ACKR3: variants seen among roughly 807,000 people sequenced by gnomAD.
The protein encoded by ACKR3 is atypical chemokine receptor 3.
Under a neutral mutation model 22.4 loss-of-function variants are expected in ACKR3, and 6 were observed. The observed-to-expected ratio is 0.27, with a 90% CI of 0.15 to 0.53. ACKR3 has a LOEUF of 0.53. ACKR3 is among the 20% of genes least tolerant of loss of function. The pLI is 0.96. For synonymous variants in ACKR3, 209 were observed against 205.2 expected (o/e 1.02, Z -0.16); for missense variants, 396 against 475.2 (o/e 0.83, Z 1.55).
the ACKR3 span, among the ~76,000 whole-genome samples, chr2:236,543,676 G>T: frequency 1.3e-5 from 2 of 151,788 alleles, no homozygotes; most frequent in African/African-American, 2.4e-5. Flanking sequence ...AAGTGAAATC[G>T]CACATTTTAA....
chr2:236,552,773 C>T, the ACKR3 span, among the ~76,000 whole-genome samples: 1 of 151,920 alleles, frequency 6.6e-6, no homozygotes, highest in Non-Finnish European at 1.5e-5. Flanking sequence ...GAGGGAGGGA[C>T]CCAGGGAGGG....
rs1559474570 is a variant in ACKR3, at chr2:236,581,627, G to A, written c.*73G>A. 6.5e-7 allele frequency: 1 copy of A among 1,529,540 alleles called. No homozygotes were observed. Among genetic ancestry groups the A allele is most frequent in the Non-Finnish European group, 8.8e-7 (1 of 1,137,854 alleles). The allele number at this position is 1,529,540 out of a possible 1,614,324, so 94.7% of individuals were successfully genotyped here. Reference sequence around the variant, plus strand: ...GTGATGGGCCCTATGGTTTTCTAGAGCAAAGCAAAGTAGCTTCGGGTCTTG... The same window carrying A: ...GTGATGGGCCCTATGGTTTTCTAGAACAAAGCAAAGTAGCTTCGGGTCTTG... On this transcript the variant is annotated 3_prime_UTR_variant, in exon 2 of 2. Coordinates refer to ENST00000272928, the MANE Select transcript of ACKR3 (RefSeq NM_020311.3). The surrounding 1 kb of genome is among the most constrained non-coding windows in gnomAD (Gnocchi z 4.4).
upstream of ACKR3, chr2:236,567,788 G>T (rs1429770906): frequency 1.3e-5 from 2 of 152,496 alleles, no homozygotes; most frequent in Non-Finnish European, 2.9e-5. Context: ...GGCGAGGGCG[G>T]TGACCCCGGG....
chr2:236,539,448 G>A, the ACKR3 span, among the ~76,000 whole-genome samples: 1 of 151,760 alleles, frequency 6.6e-6, no homozygotes, highest in Admixed American at 6.6e-5. Flanking sequence ...TAGCAGCTGG[G>A]ATTACAGGTG....
chr2:236,545,029 G>T, the ACKR3 span, among the ~76,000 whole-genome samples: 1 of 152,188 alleles, frequency 6.6e-6, no homozygotes, highest in South Asian at 2.1e-4. This position sits in a 1 kb window ranked among gnomAD's most constrained non-coding sequence, Gnocchi z 5.3. Flanking sequence ...AGCAGAGGTG[G>T]GGAAGACACA....
the ACKR3 span, among the ~76,000 whole-genome samples, chr2:236,544,298 C>G: frequency 2.0e-5 from 3 of 151,942 alleles, no homozygotes; most frequent in African/African-American, 4.8e-5. The surrounding 1 kb of genome is among the most constrained non-coding windows in gnomAD (Gnocchi z 5.0). Flanking sequence ...GGGTTCATAT[C>G]TTTATAAGGA....
the ACKR3 span, among the ~76,000 whole-genome samples, chr2:236,556,263 G>A: frequency 1.3e-5 from 2 of 152,196 alleles, no homozygotes; most frequent in South Asian, 4.1e-4. Flanking sequence ...AGCCAGGGTG[G>A]CGCTTGCCAC....
At chr2:236,550,108 G>A in the ACKR3 span, among the ~76,000 whole-genome samples, 1 of 152,200 alleles carries the variant, frequency 6.6e-6, no homozygotes, top group African/African-American at 2.4e-5. This position sits in a 1 kb window ranked among gnomAD's most constrained non-coding sequence, Gnocchi z 4.6. Context: ...CCAAACTGCA[G>A]CAACGTGGAT....
At chr2:236,550,575 C>A in the ACKR3 span, among the ~76,000 whole-genome samples, 1 of 152,148 alleles carries the variant, frequency 6.6e-6, no homozygotes, top group Non-Finnish European at 1.5e-5. The surrounding 1 kb of genome is among the most constrained non-coding windows in gnomAD (Gnocchi z 4.6). Context: ...TGAGACTTAG[C>A]TTCCGGCAAT....
At chr2:236,542,796 T>A in the ACKR3 span, among the ~76,000 whole-genome samples, 1 of 143,672 alleles carries the variant, frequency 7.0e-6, no homozygotes, top group East Asian at 2.0e-4. Flanking sequence ...TCCGACAGCA[T>A]GTGGACTATC....
At chr2:236,573,024 G>C (rs1691339916) in intron 1 of ACKR3, among the ~76,000 whole-genome samples, 1 of 152,198 alleles carries the variant, frequency 6.6e-6, no homozygotes, top group Admixed American at 6.5e-5. Context: ...TTTTCCATTT[G>C]CTGGCAGCAG....
upstream of ACKR3, among the ~76,000 whole-genome samples, chr2:236,565,279 G>A (rs568732740): frequency 1.4e-4 from 21 of 152,264 alleles, no homozygotes; most frequent in Non-Finnish European, 2.4e-4. Flanking sequence ...TATCTGAGGA[G>A]ACATGGTGTT....
the ACKR3 span, among the ~76,000 whole-genome samples, chr2:236,540,786 G>A: frequency 6.6e-6 from 1 of 152,138 alleles, no homozygotes; most frequent in Admixed American, 6.5e-5. Context: ...TGTCTTTGTG[G>A]GAAATTGATC....
At chr2:236,557,001 T>C in the ACKR3 span, among the ~76,000 whole-genome samples, 3 of 152,250 alleles carry the variant, frequency 2.0e-5, no homozygotes, top group Non-Finnish European at 4.4e-5. Flanking sequence ...TGTCTTGTTT[T>C]AAGCCACTAA....
upstream of ACKR3, among the ~76,000 whole-genome samples, chr2:236,566,929 A>C (rs1691196556): frequency 2.6e-5 from 3 of 114,428 alleles, no homozygotes; most frequent in East Asian, 2.4e-4. Context: ...CCCAAGGAGG[A>C]TTTGCCTGCC....
the ACKR3 span, among the ~76,000 whole-genome samples, chr2:236,539,205 G>C: frequency 6.6e-6 from 1 of 151,418 alleles, no homozygotes; most frequent in African/African-American, 2.4e-5. Context: ...TGTCTATTGT[G>C]AATAATACTT....
the ACKR3 span, among the ~76,000 whole-genome samples, chr2:236,546,767 G>T: frequency 6.6e-6 from 1 of 152,256 alleles, no homozygotes; most frequent in African/African-American, 2.4e-5. The surrounding 1 kb of genome is among the most constrained non-coding windows in gnomAD (Gnocchi z 4.9). Flanking sequence ...CCACTGGCAG[G>T]AAGGGCAAGG....
chr2:236,544,075 T>C, the ACKR3 span, among the ~76,000 whole-genome samples: 1 of 148,788 alleles, frequency 6.7e-6, no homozygotes, highest in African/African-American at 2.4e-5. The surrounding 1 kb of genome is among the most constrained non-coding windows in gnomAD (Gnocchi z 5.0). Flanking sequence ...CTGCAACCTC[T>C]GCCTCCCGGA....
At chr2:236,573,092 T>C (rs1691340725) in intron 1 of ACKR3, among the ~76,000 whole-genome samples, 1 of 152,218 alleles carries the variant, frequency 6.6e-6, no homozygotes, top group Non-Finnish European at 1.5e-5. Flanking sequence ...ACAGAGAGTC[T>C]GCCTGGGCCA....
Sources: allele counts gnomAD v4.1 joint callset (sites outside exome capture counted in the v4.1 genomes callset), GRCh38; gene constraint gnomAD v4.1.1; non-coding constraint Gnocchi (gnomAD v3.1); transcripts MANE v1.5; gene names NCBI Gene and HGNC (gene_info 2026-07-23, HGNC 2026-07-21).